Variants in DNAAF5 observed in about 807,000 individuals in gnomAD.
The protein encoded by DNAAF5 is HEAT repeat containing 2.
A neutral mutation model predicts 75.8 loss-of-function variants in DNAAF5; 64 were observed. The observed-to-expected ratio is 0.84, with a 90% CI of 0.69 to 1.04. The LOEUF is 1.04. DNAAF5 is among the 50% of genes least tolerant of loss of function. The pLI is 0.00. For synonymous variants in DNAAF5, 657 were observed against 557.2 expected, an observed-to-expected ratio of 1.18 and a Z score of -2.52; for missense variants, 1,269 against 1,178.5, an observed-to-expected ratio of 1.08 and a Z score of -1.12.
At chr7:738,279 AATATCTGTTAATTTCTCTG>A (rs1316499214) in intron 2 of DNAAF5, among the ~76,000 whole-genome samples, 1 of 152,016 alleles carries the variant, frequency 6.6e-6, no homozygotes, top group East Asian at 1.9e-4. Context: ...TAATTATTTC[AATATCTGTTAATTTCTCTG>A]ATAGGATTCT....
chr7:784,027 TCCCCC>T (rs1779069205), intron 12 of DNAAF5, among the ~76,000 whole-genome samples: 1 of 13,890 alleles, frequency 7.2e-5, no homozygotes. Flanking sequence ...CGCCCCCACC[TCCCCC>T]ACCTCCCCCA....
Position 774,792 on chromosome 7 carries a change from G to A in DNAAF5, c.2083-214G>A, listed in dbSNP as rs7783647. ...TGGTTTAGGGTTAGTGCCTCACCTA[G>A]GAGTTGTGAACAGTGTGCGTATTTT... On this transcript the variant is annotated intron_variant, in intron 10 of 12. Transcript: ENST00000297440. Among the ~76,000 whole-genome samples the A allele has an allele frequency of 0.04, 6,087 of 152,282 alleles. 425 individuals carry two copies. The highest frequency in any genetic ancestry group is 0.14 in the African/African-American group (5,767 of 41,540).
intron 4 of DNAAF5, 66 bp downstream of exon 4, chr7:741,531 G>GAGCCTGAAGGA: frequency 1.0e-6 from 1 of 964,716 alleles, no homozygotes; most frequent in Non-Finnish European, 1.6e-6. Context: ...AGGGGCTTCT[G>GAGCCTGAAGGA]AGCCTGAAGG....
rs112569158 is a variant in DNAAF5, at chr7:755,327, G to A, written c.1257+506G>A. ...ACACTCGGCTGCTGGTTATCGCCTCGTCACCACTGGGTACGCACGAGGGAG... is the reference window on the plus strand; with the variant it reads ...ACACTCGGCTGCTGGTTATCGCCTCATCACCACTGGGTACGCACGAGGGAG... On this transcript the variant is annotated intron_variant, in intron 5 of 12. Coordinates refer to ENST00000297440, the MANE Select transcript of DNAAF5 (RefSeq NM_017802.4). 2.5e-3 allele frequency among the ~76,000 whole-genome samples: 377 copies of A among 152,204 alleles called. 2 individuals are homozygous for A. Among genetic ancestry groups the A allele is most frequent in the African/African-American group, 8.7e-3 (360 of 41,534 alleles).
At position 740,947 on chromosome 7, in the gene DNAAF5, C is replaced by A. The variant is rs377210150; in HGVS notation, c.905+4C>A. ...ACGACGAGGTGCCTGAGGTCAGGTACGTGGGCAGGCGGCCGCGGGCCTTGT... is the reference window on the plus strand; with the variant it reads ...ACGACGAGGTGCCTGAGGTCAGGTAAGTGGGCAGGCGGCCGCGGGCCTTGT... On this transcript the variant is annotated splice_donor_region_variant and intron_variant, in intron 3 of 12. Transcript: ENST00000297440. 1.6e-5 allele frequency: 26 copies of A among 1,612,126 alleles called. No individual in the cohort carries two copies. In the Admixed American group the frequency reaches 1.8e-4, roughly 11 times the overall value.
intron 11 of DNAAF5, chr7:778,254 T>C (rs1006145959): frequency 6.6e-6 from 1 of 152,256 alleles, no homozygotes; most frequent in Admixed American, 6.5e-5. Context: ...TTTGGGCATC[T>C]GAGCGCATTT....
intron 4 of DNAAF5, among the ~76,000 whole-genome samples, chr7:744,237 A>C (rs1249651756): frequency 3.3e-5 from 5 of 152,062 alleles, no homozygotes. Context: ...ATGATTTTGA[A>C]TTTCATCCAT....
chr7:743,954 T>C (rs902299298), intron 4 of DNAAF5, among the ~76,000 whole-genome samples: 4 of 151,158 alleles, frequency 2.6e-5, no homozygotes, highest in African/African-American at 7.3e-5. Context: ...TTATTATTAT[T>C]ATACTTTAAG....
chr7:737,346 T>G (rs530409594), intron 2 of DNAAF5, among the ~76,000 whole-genome samples: 8 of 152,324 alleles, frequency 5.3e-5, no homozygotes, highest in African/African-American at 1.9e-4. Context: ...TCTGCCCACC[T>G]CAGCCTCCCA....
chr7:729,257 G>A (rs868651623), intron 1 of DNAAF5, among the ~76,000 whole-genome samples: 3 of 152,210 alleles, frequency 2.0e-5, no homozygotes, highest in South Asian at 2.1e-4. Context: ...CTCGTCTCAG[G>A]TGGGGCTGGG....
At position 727,330 on chromosome 7, in the gene DNAAF5, C is replaced by T. The variant is rs1255834653; in HGVS notation, c.595+15C>T. The T allele has an allele frequency of 2.4e-6, 3 of 1,252,720 alleles. No homozygotes were observed. The highest frequency in any genetic ancestry group is 1.6e-5 in the African/African-American group (1 of 63,334). 77.6% of individuals were successfully genotyped at this position (1,252,720 alleles called of 1,614,324 possible). ...GGCCACGCCCGGTGAGCACCCCGGG[C>T]CCCGCTCCCACACGCCACCCCACAC... is the stretch of plus-strand genomic sequence containing the variant. On this transcript the variant is annotated intron_variant, in intron 1 of 12. Transcript: ENST00000297440.
chr7:745,782 G>A (rs1782081795), intron 4 of DNAAF5, among the ~76,000 whole-genome samples: 1 of 152,240 alleles, frequency 6.6e-6, no homozygotes, highest in African/African-American at 2.4e-5. Context: ...CCCGCCAACT[G>A]TCTGGCCCTG....
Position 727,415 on chromosome 7 carries a change from C to T in DNAAF5, c.595+100C>T, listed in dbSNP as rs1198774889. On this transcript the variant is annotated intron_variant, in intron 1 of 12. Transcript: ENST00000297440. Reference sequence around the variant, plus strand: ...ACAACCCCCGCGGCTCGGCCCCGCCCCCCTCCACGCCCGCACCCCCCAACA... The same window carrying T: ...ACAACCCCCGCGGCTCGGCCCCGCCTCCCTCCACGCCCGCACCCCCCAACA... 4 of 544,568 alleles carry T rather than the reference C, an allele frequency of 7.3e-6. No homozygotes were observed. In the South Asian group the frequency reaches 3.7e-4, roughly 50 times the overall value. The allele number at this position is 544,568 out of a possible 1,614,324, so 33.7% of individuals were successfully genotyped here.
intron 4 of DNAAF5, among the ~76,000 whole-genome samples, chr7:746,804 G>A (rs933407602): frequency 6.6e-6 from 1 of 152,178 alleles, no homozygotes; most frequent in East Asian, 1.9e-4. Context: ...CCTGCATGTG[G>A]GCATCTCCAC....
Position 779,519 on chromosome 7 carries a change from G to C in DNAAF5, c.2240-434G>C, listed in dbSNP as rs566611158. Among the ~76,000 whole-genome samples, 22 of 152,284 alleles carry C rather than the reference G, an allele frequency of 1.4e-4. 1 individual carries two copies. Among genetic ancestry groups the C allele is most frequent in the Admixed American group, 8.5e-4 (13 of 15,300 alleles). On this transcript the variant is annotated intron_variant, in intron 11 of 12. Coordinates refer to ENST00000297440, the MANE Select transcript of DNAAF5 (RefSeq NM_017802.4). Reference sequence around the variant, plus strand: ...CAGCAGAAAACTGACCACAGTAGGGGGTTGTCTGTCACTGAGTCCTCAGCT... The same window carrying C: ...CAGCAGAAAACTGACCACAGTAGGGCGTTGTCTGTCACTGAGTCCTCAGCT...
chr7:754,121 C>T lies in DNAAF5; in HGVS notation c.1025-468C>T, dbSNP rs1321337832. 2.6e-5 allele frequency among the ~76,000 whole-genome samples: 4 copies of T among 152,232 alleles called. No homozygotes were observed. Among genetic ancestry groups the T allele is most frequent in the African/African-American group, 9.6e-5 (4 of 41,458 alleles). On this transcript the variant is annotated intron_variant, in intron 4 of 12. Transcript: ENST00000297440. This position sits in a 1 kb window ranked among gnomAD's most constrained non-coding sequence, Gnocchi z 4.8. ...GCAGGCGTGTCTCTCTGATCATACA[C>T]GTCAGCACGTGTGGCAAGTGTGTTG... is the stretch of plus-strand genomic sequence containing the variant.
intron 4 of DNAAF5, among the ~76,000 whole-genome samples, chr7:744,649 AAAC>A (rs1444825549): frequency 2.3e-4 from 35 of 152,346 alleles, no homozygotes; most frequent in African/African-American, 7.2e-4. Context: ...AAAAGTCAGG[AAAC>A]AACAAGTGCT....
At chr7:768,262 A>C (rs1486845038) in intron 8 of DNAAF5, among the ~76,000 whole-genome samples, 52 of 140,030 alleles carry the variant, frequency 3.7e-4, no homozygotes, top group African/African-American at 1.2e-3. Flanking sequence ...TGCGAGGAGG[A>C]GCTAGCGCTG....
chr7:730,838 A>G (rs900985640), intron 2 of DNAAF5, among the ~76,000 whole-genome samples: 5 of 152,190 alleles, frequency 3.3e-5, no homozygotes, highest in African/African-American at 1.2e-4. Flanking sequence ...AGGCCAGCGG[A>G]AGTTGAGTCA....
Sources: allele counts gnomAD v4.1 joint callset (sites outside exome capture counted in the v4.1 genomes callset), GRCh38; gene constraint gnomAD v4.1.1; non-coding constraint Gnocchi (gnomAD v3.1); transcripts MANE v1.5; gene names NCBI Gene and HGNC (gene_info 2026-07-23, HGNC 2026-07-21).